The following GALNT9 variants were observed in gnomAD, a reference collection of about 807,000 sequenced individuals.
The protein encoded by GALNT9 is polypeptide N-acetylgalactosaminyltransferase 9.
A neutral mutation model predicts 63.1 loss-of-function variants in GALNT9; 47 were observed. The ratio of observed to expected loss-of-function variants is 0.75; its 90% CI spans 0.59 to 0.95. The LOEUF is 0.95. Ranked by LOEUF, GALNT9 falls within the 40% of genes least tolerant of loss-of-function variation. The pLI, the probability that GALNT9 is intolerant of heterozygous loss-of-function variation, is 0.00. For synonymous variants in GALNT9, 396 were observed against 365.7 expected (o/e 1.08, Z -0.94); for missense variants, 829 against 874.8 (o/e 0.95, Z 0.66).
intron 2 of GALNT9, among the ~76,000 whole-genome samples, chr12:132,267,087 A>T (rs1288130201): frequency 6.6e-6 from 1 of 152,186 alleles, no homozygotes; most frequent in Non-Finnish European, 1.5e-5. Flanking sequence ...AGGAGGTGGC[A>T]TGTGGGCGCA....
At chr12:132,303,036 G>A (rs1003939963) in intron 1 of GALNT9, among the ~76,000 whole-genome samples, 9 of 151,860 alleles carry the variant, frequency 5.9e-5, no homozygotes, top group Admixed American at 1.3e-4. Flanking sequence ...GGGGTGAGAC[G>A]GTGTGTGGAC....
intron 3 of GALNT9, 121 bp downstream of exon 3, chr12:132,262,338 C>T (rs1555239851): frequency 1.5e-6 from 2 of 1,331,686 alleles, no homozygotes; most frequent in East Asian, 5.1e-5. Flanking sequence ...TTTAGAGCCC[C>T]TGCGGACAGA....
chr12:132,268,004 C>G (rs1031579732), intron 2 of GALNT9, among the ~76,000 whole-genome samples: 13 of 151,804 alleles, frequency 8.6e-5, no homozygotes, highest in African/African-American at 2.7e-4. Context: ...TGCACACACA[C>G]AGGCAGATAC....
At chr12:132,255,079 A>T (rs1406451762) in intron 5 of GALNT9, among the ~76,000 whole-genome samples, 2 of 152,106 alleles carry the variant, frequency 1.3e-5, no homozygotes, top group East Asian at 1.9e-4. Flanking sequence ...AAATTCTAAG[A>T]CCCCCAACCA....
In GALNT9 at chr12:132,235,111, T is replaced by C. The variant is rs1272240581; in HGVS notation, c.1077+12799A>G. 1.6e-3 allele frequency among the ~76,000 whole-genome samples: 95 copies of C among 59,840 alleles called. 10 individuals are homozygous for C. The highest frequency in any genetic ancestry group is 7.5e-3 in the African/African-American group (83 of 11,120). 39.3% of individuals were successfully genotyped at this position (59,840 alleles called of 152,430 possible). A position where few individuals can be genotyped will look rare whatever the true frequency, so the allele number is the denominator to read the frequency against. On this transcript the variant is annotated intron_variant, in intron 6 of 10. Coordinates refer to ENST00000328957, the MANE Select transcript of GALNT9 (RefSeq NM_001122636.2). ...CCCTAGTGCCACACACTCGATGGCG[T>C]GAGAGAGGAGACAGCGTGGAGTCCC...
At chr12:132,207,587 C>A (rs1368646724) in intron 6 of GALNT9, among the ~76,000 whole-genome samples, 6 of 152,170 alleles carry the variant, frequency 3.9e-5, no homozygotes, top group Admixed American at 3.9e-4. Flanking sequence ...GCCCTCGGGT[C>A]CCCCACCGTG....
In GALNT9 at chr12:132,302,229, T is replaced by TACACACACACACACACAC. The variant is rs56317485; in HGVS notation, c.239-15817_239-15800dup. The stretch of plus-strand genomic sequence containing the variant: ...CATAAATGCTTTTGGTAGAAAATTC[T>TACACACACACACACACAC]ACACACACACACACACACACACACA... On this transcript the variant is annotated intron_variant, in intron 1 of 10. Coordinates refer to ENST00000328957, the MANE Select transcript of GALNT9 (RefSeq NM_001122636.2). Among the ~76,000 whole-genome samples, 952 of 143,796 alleles carry TACACACACACACACACAC rather than the reference T, an allele frequency of 6.6e-3. 6 individuals are homozygous for TACACACACACACACACAC. The highest frequency in any genetic ancestry group is 0.018 in the Middle Eastern group (5 of 280). 94.3% of individuals were successfully genotyped at this position (143,796 alleles called of 152,430 possible). A position where few individuals can be genotyped will look rare whatever the true frequency, so the allele number is the denominator to read the frequency against.
chr12:132,285,219 C>T (rs1165064152), intron 2 of GALNT9, among the ~76,000 whole-genome samples: 1 of 152,360 alleles, frequency 6.6e-6, no homozygotes, highest in East Asian at 1.9e-4. Flanking sequence ...TGCCACCACC[C>T]CACGGTGAAA....
rs537284781 is a variant in GALNT9 at position 132,282,412 on chromosome 12, C to T, written c.419+3838G>A. Among the ~76,000 whole-genome samples, 37 of 148,244 alleles carry T rather than the reference C, an allele frequency of 2.5e-4. No homozygotes were observed. The South Asian group carries it at 3.9e-3, about 16-fold the overall frequency. On this transcript the variant is annotated intron_variant, in intron 2 of 10. Transcript: ENST00000328957. The surrounding 1 kb of genome is among the most constrained non-coding windows in gnomAD (Gnocchi z 4.5). ...AAAAATACGTGTGTGCGCGTGTGTGCGTGTGTGTGCGTGTGTGCGTGCATG... is the reference window on the plus strand; with the variant it reads ...AAAAATACGTGTGTGCGCGTGTGTGTGTGTGTGTGCGTGTGTGCGTGCATG...
chr12:132,309,727 A>T (rs891992405), intron 1 of GALNT9, among the ~76,000 whole-genome samples: 2 of 152,220 alleles, frequency 1.3e-5, no homozygotes, highest in Admixed American at 6.5e-5. Flanking sequence ...GGCCTCCAGA[A>T]CAGAGAGAGC....
intron 6 of GALNT9, among the ~76,000 whole-genome samples, chr12:132,213,680 T>C (rs1162108076): frequency 6.6e-6 from 1 of 152,206 alleles, no homozygotes; most frequent in Non-Finnish European, 1.5e-5. Flanking sequence ...TGTGAGCACC[T>C]AGGGGTTCTG....
At chr12:132,314,740 T>C (rs1350123359) in intron 1 of GALNT9, among the ~76,000 whole-genome samples, 1 of 152,214 alleles carries the variant, frequency 6.6e-6, no homozygotes, top group African/African-American at 2.4e-5. Flanking sequence ...CTGCACAGTA[T>C]GGCAGTCATT....
At chr12:132,258,140 C>A (rs1555239328) in intron 4 of GALNT9, among the ~76,000 whole-genome samples, 2 of 152,214 alleles carry the variant, frequency 1.3e-5, no homozygotes, top group African/African-American at 2.4e-5. Context: ...GACGCTGACA[C>A]CGGCCACGTT....
intron 1 of GALNT9, among the ~76,000 whole-genome samples, chr12:132,291,936 T>C (rs1362687192): frequency 1.3e-5 from 2 of 152,176 alleles, no homozygotes; most frequent in African/African-American, 2.4e-5. Context: ...ACGGCAGCTG[T>C]GGCCCCCCCA....
chr12:132,288,145 T>C (rs894022075), intron 1 of GALNT9, among the ~76,000 whole-genome samples: 2 of 152,156 alleles, frequency 1.3e-5, no homozygotes, highest in Admixed American at 6.5e-5. Context: ...CTCTGTAGGA[T>C]TCCTGCTATG....
chr12:132,267,256 G>A (rs1196910975), intron 2 of GALNT9, among the ~76,000 whole-genome samples: 4 of 152,106 alleles, frequency 2.6e-5, no homozygotes, highest in Non-Finnish European at 4.4e-5. Flanking sequence ...GCCACATGGC[G>A]CCAGCTTGTG....
rs531061374 is a variant in GALNT9 at position 132,266,757 on chromosome 12, G to A, written c.420-4132C>T. On this transcript the variant is annotated intron_variant, in intron 2 of 10. Transcript: ENST00000328957. ...AGGAGATGTTTTGTCTTCTGCTCTC[G>A]GACTTGGGGCCTGGACCTCCCCTCC... is the stretch of plus-strand genomic sequence containing the variant. Among the ~76,000 whole-genome samples the A allele has an allele frequency of 1.1e-4, 17 of 152,286 alleles. 1 individual carries two copies. In the South Asian group the frequency reaches 2.5e-3, roughly 22 times the overall value.
chr12:132,329,361 C>T lies in GALNT9; in HGVS notation c.-158G>A, dbSNP rs1869197831. ...TCCCTTCAGCACCAGCTCAGCGCGC[C>T]GGGCCACGGCCGCCGGGGGTCCCCC... On this transcript the variant is annotated 5_prime_UTR_variant, in exon 1 of 11. Transcript: ENST00000328957. 3.6e-6 allele frequency: 4 copies of T among 1,125,402 alleles called. No individual in the cohort carries two copies. The highest frequency in any genetic ancestry group is 4.1e-5 in the Admixed American group (1 of 24,266). 69.7% of individuals were successfully genotyped at this position (1,125,402 alleles called of 1,614,324 possible). A position where few individuals can be genotyped will look rare whatever the true frequency, so the allele number is the denominator to read the frequency against.
chr12:132,300,690 C>T (rs1555243764), intron 1 of GALNT9, among the ~76,000 whole-genome samples: 1 of 151,046 alleles, frequency 6.6e-6, no homozygotes, highest in African/African-American at 2.5e-5. Flanking sequence ...AGATAACTCA[C>T]TCCCATAACT....
Sources: allele counts gnomAD v4.1 joint callset (sites outside exome capture counted in the v4.1 genomes callset), GRCh38; gene constraint gnomAD v4.1.1; non-coding constraint Gnocchi (gnomAD v3.1); transcripts MANE v1.5; gene names NCBI Gene and HGNC (gene_info 2026-07-23, HGNC 2026-07-21).